The following PTPRG variants were observed in gnomAD, a reference collection of about 807,000 sequenced individuals.
PTPRG encodes protein tyrosine phosphatase receptor type G.
Under a neutral mutation model 165.3 loss-of-function variants are expected in PTPRG, and 102 were observed. The observed-to-expected ratio is 0.62, with a 90% CI of 0.53 to 0.73. The LOEUF (loss-of-function observed/expected upper bound fraction) is 0.73. PTPRG is among the 30% of genes least tolerant of loss of function. The pLI is 0.00. For synonymous variants in PTPRG, 675 were observed against 669.5 expected, an observed-to-expected ratio of 1.01 and a Z score of -0.13; for missense variants, 1,866 against 1,861.4, an observed-to-expected ratio of 1.00 and a Z score of -0.05.
intron 1 of PTPRG, among the ~76,000 whole-genome samples, chr3:61,643,266 A>G (rs1702112444): frequency 6.6e-6 from 1 of 150,850 alleles, no homozygotes; most frequent in Non-Finnish European, 1.5e-5. Context: ...CTGGGGAGAG[A>G]GAGAGAGAGA....
chr3:61,793,134 G>T (rs756927907), intron 2 of PTPRG, among the ~76,000 whole-genome samples: 8 of 152,200 alleles, frequency 5.3e-5, no homozygotes, highest in Non-Finnish European at 8.8e-5. Context: ...GTCAGGATTT[G>T]TCTCTTTATT....
In PTPRG at chr3:62,020,880, G is replaced by T. The variant is rs141137231; in HGVS notation, c.519+17383G>T. 1.0e-3 allele frequency among the ~76,000 whole-genome samples: 151 copies of T among 144,728 alleles called. 1 individual carries two copies. Among genetic ancestry groups the T allele is most frequent in the African/African-American group, 3.7e-3 (144 of 38,742 alleles). The allele number at this position is 144,728 out of a possible 152,430, so 94.9% of individuals were successfully genotyped here. On this transcript the variant is annotated intron_variant, in intron 4 of 29. Transcript: ENST00000474889. ...TTTGGATACAGGGTCTTGCTATATT[G>T]CCCAGGTTGATCTTCAGCCCCTGGG...
At chr3:62,095,267 G>A (rs1267138873) in intron 5 of PTPRG, among the ~76,000 whole-genome samples, 2 of 152,202 alleles carry the variant, frequency 1.3e-5, no homozygotes, top group Non-Finnish European at 2.9e-5. Flanking sequence ...GAATGTCAAA[G>A]CTGCATCCCC....
At chr3:62,166,085 T>C (rs1348857143) in intron 7 of PTPRG, among the ~76,000 whole-genome samples, 1 of 152,138 alleles carries the variant, frequency 6.6e-6, no homozygotes, top group Non-Finnish European at 1.5e-5. Flanking sequence ...AGCACTCTTA[T>C]TTGGCACCAG....
chr3:62,162,597 C>T (rs902629313), intron 7 of PTPRG, among the ~76,000 whole-genome samples: 4 of 152,132 alleles, frequency 2.6e-5, no homozygotes, highest in Admixed American at 6.5e-5. Context: ...GTTCTTTCTG[C>T]GTTGGGCTAT....
intron 2 of PTPRG, among the ~76,000 whole-genome samples, chr3:61,949,873 G>C (rs571925723): frequency 8.1e-4 from 123 of 152,052 alleles, no homozygotes; most frequent in African/African-American, 2.9e-3. Context: ...TCAGCCTCCT[G>C]AGTAGTTGGG....
At chr3:61,985,958 G>A (rs1461612335) in intron 2 of PTPRG, among the ~76,000 whole-genome samples, 4 of 152,074 alleles carry the variant, frequency 2.6e-5, no homozygotes, top group Non-Finnish European at 5.9e-5. Context: ...ATATATTAGT[G>A]AAGAACGAAA....
At chr3:62,158,457 C>G (rs1000928379) in intron 7 of PTPRG, among the ~76,000 whole-genome samples, 1 of 152,194 alleles carries the variant, frequency 6.6e-6, no homozygotes, top group Non-Finnish European at 1.5e-5. Context: ...TCTGATTGTT[C>G]TAGTACCAGT....
intron 13 of PTPRG, among the ~76,000 whole-genome samples, chr3:62,226,314 G>C (rs1305933782): frequency 1.3e-5 from 2 of 152,208 alleles, no homozygotes; most frequent in East Asian, 3.9e-4. Flanking sequence ...TGTCTCTGCT[G>C]CTGGACATGG....
intron 14 of PTPRG, 85 bp downstream of exon 14, chr3:62,231,396 G>A: frequency 8.7e-7 from 1 of 1,149,716 alleles, no homozygotes; most frequent in African/African-American, 1.6e-5. Context: ...CATGGGGATT[G>A]AAGTCTTGTA....
chr3:61,952,509 A>G (rs1358429879), intron 2 of PTPRG, among the ~76,000 whole-genome samples: 2 of 152,134 alleles, frequency 1.3e-5, no homozygotes, highest in African/African-American at 4.8e-5. Flanking sequence ...TAATGGCTAA[A>G]ATTACCATCT....
chr3:62,133,499 C>T (rs114464965), intron 6 of PTPRG, among the ~76,000 whole-genome samples: 3,025 of 152,290 alleles, frequency 0.02, 56 homozygotes, highest in South Asian at 0.047. Flanking sequence ...CTCCATAGAG[C>T]TTAACAAACA....
At chr3:62,265,061 T>G (rs1701821744) in intron 17 of PTPRG, among the ~76,000 whole-genome samples, 1 of 152,220 alleles carries the variant, frequency 6.6e-6, no homozygotes, top group South Asian at 2.1e-4. Context: ...GAGCATCTTT[T>G]CGTGCTTATT....
At chr3:61,892,618 A>G (rs1575759694) in intron 2 of PTPRG, among the ~76,000 whole-genome samples, 1 of 152,056 alleles carries the variant, frequency 6.6e-6, no homozygotes, top group African/African-American at 2.4e-5. Context: ...GGAGTTTGAG[A>G]CCAGCCTGAC....
chr3:62,258,115 C>CT (rs1476351730), intron 16 of PTPRG, among the ~76,000 whole-genome samples: 1 of 152,116 alleles, frequency 6.6e-6, no homozygotes, highest in African/African-American at 2.4e-5. Flanking sequence ...GAACCCCCCC[C>CT]ACTAGGAGTA....
At chr3:61,664,384 A>C (rs1392483028) in intron 1 of PTPRG, among the ~76,000 whole-genome samples, 1 of 152,194 alleles carries the variant, frequency 6.6e-6, no homozygotes, top group Non-Finnish European at 1.5e-5. Context: ...TTGTCTTATA[A>C]TCCTCAGTCC....
intron 2 of PTPRG, among the ~76,000 whole-genome samples, chr3:61,873,988 A>G (rs1384533718): frequency 6.6e-6 from 1 of 152,166 alleles, no homozygotes; most frequent in African/African-American, 2.4e-5. Flanking sequence ...AGTGTTTGAC[A>G]CAGAATAAAT....
At chr3:62,241,928 A>T (rs1701168966) in intron 14 of PTPRG, among the ~76,000 whole-genome samples, 1 of 152,202 alleles carries the variant, frequency 6.6e-6, no homozygotes, top group Non-Finnish European at 1.5e-5. Context: ...GGTTTTCCTT[A>T]GCTATGATAC....
intron 6 of PTPRG, among the ~76,000 whole-genome samples, chr3:62,141,017 A>G (rs1703908230): frequency 6.6e-6 from 1 of 152,096 alleles, no homozygotes; most frequent in Non-Finnish European, 1.5e-5. Context: ...AGATTTCTGC[A>G]TTTGAGTGTT....
Sources: gnomAD v4.1 joint callset for allele counts (sites outside exome capture counted in the v4.1 genomes callset) on GRCh38, gnomAD v4.1.1 for gene constraint, MANE v1.5 for transcripts, NCBI Gene and HGNC (gene_info 2026-07-23, HGNC 2026-07-21) for gene names.